Variants in CPS1 observed in about 807,000 individuals in gnomAD.
The protein encoded by CPS1 is carbamoyl-phosphate synthase 1.
CPS1 carries 109 observed loss-of-function variants against 174.6 expected under a neutral mutation model. The ratio of observed to expected loss-of-function variants is 0.62; its 90% CI spans 0.53 to 0.73. The LOEUF (loss-of-function observed/expected upper bound fraction) is 0.73, where lower values mean the gene tolerates loss of function less well. Among genes scored for constraint, CPS1 ranks in the 30% least tolerant of loss-of-function variants. The pLI, the probability that CPS1 is intolerant of heterozygous loss-of-function variation, is 0.00. For missense variants in CPS1, 1,689 were observed against 1,821.9 expected (o/e 0.93, Z 1.33); for synonymous variants, 637 against 632.0 (o/e 1.01, Z -0.12).
chr2:210,667,147 A>G (rs1336951203), intron 33 of CPS1, among the ~76,000 whole-genome samples: 4 of 152,148 alleles, frequency 2.6e-5, no homozygotes, highest in Non-Finnish European at 1.5e-5. Flanking sequence ...TTGCTGTATA[A>G]GAATGCTTGT....
intron 12 of CPS1, among the ~76,000 whole-genome samples, chr2:210,594,937 G>A (rs146957503): frequency 1.4e-4 from 21 of 151,920 alleles, no homozygotes; most frequent in African/African-American, 5.1e-4. Flanking sequence ...ATACATTTCA[G>A]ACTACAGAAT....
intron 25 of CPS1, among the ~76,000 whole-genome samples, chr2:210,646,407 A>G (rs1700378908): frequency 6.6e-6 from 1 of 152,250 alleles, no homozygotes; most frequent in African/African-American, 2.4e-5. Flanking sequence ...ACTGTTTACA[A>G]TGCCTTTAAG....
chr2:210,564,382 T>TC (rs1342345168), intron 1 of CPS1, among the ~76,000 whole-genome samples: 1 of 149,352 alleles, frequency 6.7e-6, no homozygotes, highest in African/African-American at 2.4e-5. Context: ...TAACAATGAT[T>TC]TTTTTTTTTT....
intron 1 of CPS1, among the ~76,000 whole-genome samples, chr2:210,532,604 C>A (rs529072296): frequency 1.3e-5 from 2 of 152,008 alleles, no homozygotes; most frequent in Admixed American, 1.3e-4. Flanking sequence ...TAACCAAATG[C>A]TTTAAATTTT....
chr2:210,596,559 A>G (rs894291759), intron 13 of CPS1, among the ~76,000 whole-genome samples: 7 of 151,704 alleles, frequency 4.6e-5, no homozygotes, highest in African/African-American at 1.7e-4. Context: ...TCTTTTTCCC[A>G]TTTGTTTTTA....
intron 35 of CPS1, 98 bp from the exon 36 acceptor site, chr2:210,675,630 G>A (rs1701500016): frequency 4.1e-6 from 3 of 738,958 alleles, no homozygotes; most frequent in African/African-American, 3.4e-5. Flanking sequence ...TACTTCTCAT[G>A]TTCAGCAATT....
intron 15 of CPS1, 73 bp downstream of exon 15, chr2:210,600,785 C>T: frequency 6.9e-7 from 1 of 1,455,970 alleles, no homozygotes; most frequent in Non-Finnish European, 9.6e-7. Context: ...TTTTTCATGC[C>T]TAATAATAAT....
At chr2:210,579,813 T>TGG (rs1473088052) in intron 5 of CPS1, 43 bp downstream of exon 5, 1 of 1,265,300 alleles carries the variant, frequency 7.9e-7, no homozygotes, top group Non-Finnish European at 1.1e-6. Flanking sequence ...TCTTCGGGTG[T>TGG]GTGTGTGTGT....
At chr2:210,616,383 A>G (rs1179062015) in intron 20 of CPS1, 40 bp from the exon 21 acceptor site, 2 of 1,390,866 alleles carry the variant, frequency 1.4e-6, no homozygotes, top group Non-Finnish European at 1.0e-6. Context: ...ACATTTAGAA[A>G]AATGTTTGCC....
intron 20 of CPS1, among the ~76,000 whole-genome samples, chr2:210,614,861 A>G (rs542562646): frequency 9.3e-5 from 14 of 151,300 alleles, no homozygotes; most frequent in Admixed American, 5.9e-4. Context: ...AGGGAGGGGA[A>G]CATTTCACAC....
At chr2:210,577,566 G>T (rs938717648) in intron 4 of CPS1, 56 bp downstream of exon 4, 3 of 1,297,944 alleles carry the variant, frequency 2.3e-6, no homozygotes, top group Non-Finnish European at 3.4e-6. Flanking sequence ...GAAGGTGCCT[G>T]TAGATTCAGA....
chr2:210,499,248 G>A (rs1282556038), intron 1 of CPS1, among the ~76,000 whole-genome samples: 1 of 152,114 alleles, frequency 6.6e-6, no homozygotes, highest in Non-Finnish European at 1.5e-5. Flanking sequence ...GCCTGGGAGT[G>A]GAGTGGAGAG....
At chr2:210,584,326 C>T (rs1323793328) in intron 6 of CPS1, among the ~76,000 whole-genome samples, 2 of 152,068 alleles carry the variant, frequency 1.3e-5, no homozygotes, top group Non-Finnish European at 2.9e-5. Flanking sequence ...ACAAACTTCT[C>T]TTCCATCACC....
chr2:210,495,084 T>C (rs775649814), intron 1 of CPS1, among the ~76,000 whole-genome samples: 1 of 152,220 alleles, frequency 6.6e-6, no homozygotes, highest in African/African-American at 2.4e-5. Flanking sequence ...GTAAAATGGA[T>C]GCAAATATCA....
chr2:210,610,319 G>C (rs1457959806), intron 19 of CPS1, among the ~76,000 whole-genome samples: 2 of 151,864 alleles, frequency 1.3e-5, no homozygotes, highest in African/African-American at 4.8e-5. Flanking sequence ...TAAAAGGTAG[G>C]GGGGAGTTTT....
intron 15 of CPS1, among the ~76,000 whole-genome samples, chr2:210,601,797 C>A (rs1230468665): frequency 6.6e-6 from 1 of 151,854 alleles, no homozygotes; most frequent in African/African-American, 2.4e-5. Context: ...GTGGTAACAT[C>A]AAGCTAGCTT....
At chr2:210,630,947 C>T (rs865814633) in intron 21 of CPS1, among the ~76,000 whole-genome samples, 3 of 151,244 alleles carry the variant, frequency 2.0e-5, no homozygotes. Flanking sequence ...GAACATATAT[C>T]TTACTCAATT....
chr2:210,498,337 G>A (rs1464667651), intron 1 of CPS1, among the ~76,000 whole-genome samples: 1 of 151,926 alleles, frequency 6.6e-6, no homozygotes, highest in African/African-American at 2.4e-5. Flanking sequence ...GCAGTGTTTT[G>A]TAGTAGTTCT....
chr2:210,606,960 A>T lies in CPS1; in HGVS notation c.2192+19A>T. On this transcript the variant is annotated intron_variant, in intron 18 of 37. Transcript: ENST00000233072. ...CCACTGGGTAAGACCAGAATAATTGACCATGGGTTTGCAGATTCTTTTCAG... is the reference window on the plus strand; with the variant it reads ...CCACTGGGTAAGACCAGAATAATTGTCCATGGGTTTGCAGATTCTTTTCAG... The T allele has an allele frequency of 6.2e-7, 1 of 1,602,288 alleles. No individual in the cohort carries two copies. The highest frequency in any genetic ancestry group is 8.5e-7 in the Non-Finnish European group (1 of 1,170,906).
Sources: gnomAD v4.1 joint callset for allele counts (sites outside exome capture counted in the v4.1 genomes callset) on GRCh38, gnomAD v4.1.1 for gene constraint, MANE v1.5 for transcripts, NCBI Gene and HGNC (gene_info 2026-07-23, HGNC 2026-07-21) for gene names.